Variants in ZNF292 observed in about 807,000 individuals in gnomAD.
The protein encoded by ZNF292 is zinc finger protein 292, also known as 16 zinc-finger domain protein.
ZNF292 carries 26 observed loss-of-function variants against 217.9 expected under a neutral mutation model. That is an observed-to-expected ratio of 0.12 (90% CI 0.09 to 0.17). The LOEUF is 0.17. ZNF292 is among the 10% of genes least tolerant of loss of function. ZNF292 has a pLI of 1.00. For missense variants in ZNF292, 2,904 were observed against 3,175.2 expected (o/e 0.91, Z 2.05); for synonymous variants, 1,257 against 1,124.1 (o/e 1.12, Z -2.37).
chr6:87,248,797 G>C (rs947744517), intron 7 of ZNF292, among the ~76,000 whole-genome samples: 3 of 152,178 alleles, frequency 2.0e-5, no homozygotes, highest in Non-Finnish European at 4.4e-5. Context: ...AATGGAGGAG[G>C]TTAGGTAAAA....
chr6:87,211,132 T>G (rs927120209), intron 1 of ZNF292, among the ~76,000 whole-genome samples: 2 of 152,210 alleles, frequency 1.3e-5, no homozygotes, highest in African/African-American at 4.8e-5. Flanking sequence ...TTCAGTATCC[T>G]CAACTCTGAA....
intron 7 of ZNF292, chr6:87,249,389 A>G (rs1248902437): frequency 1.2e-5 from 5 of 421,990 alleles, no homozygotes; most frequent in Non-Finnish European, 2.4e-5. Flanking sequence ...TGGCCTTCCA[A>G]AGTGGTGGGA....
At position 87,264,995 on chromosome 6, in the gene ZNF292, G is replaced by T. The variant is rs1775765297; in HGVS notation, c.*3194G>T. Among the ~76,000 whole-genome samples, 1 of 152,136 alleles carries T rather than the reference G, an allele frequency of 6.6e-6. No individual in the cohort carries two copies. The highest frequency in any genetic ancestry group is 2.4e-5 in the African/African-American group (1 of 41,430). On this transcript the variant is annotated 3_prime_UTR_variant, in exon 8 of 8. Coordinates refer to ENST00000369577, the MANE Select transcript of ZNF292 (RefSeq NM_015021.3). ...GAGATAATAAAAAGTAATGTCTAAG[G>T]CAGCCTGTTTCAGCATGTTTATTGT...
At chr6:87,168,024 A>C (rs1770972585) in intron 1 of ZNF292, among the ~76,000 whole-genome samples, 1 of 152,238 alleles carries the variant, frequency 6.6e-6, no homozygotes, top group Non-Finnish European at 1.5e-5. Context: ...CTTACAAGTT[A>C]GGAAATTCAG....
chr6:87,191,752 C>T (rs1036044603), intron 1 of ZNF292, among the ~76,000 whole-genome samples: 6 of 152,116 alleles, frequency 3.9e-5, no homozygotes, highest in South Asian at 4.1e-4. Context: ...CTGCAACATC[C>T]GCTTCCCGGG....
chr6:87,246,595 C>G (rs1562172604), intron 7 of ZNF292, among the ~76,000 whole-genome samples: 1 of 152,170 alleles, frequency 6.6e-6, no homozygotes, highest in Non-Finnish European at 1.5e-5. Flanking sequence ...CCAGGCCAGG[C>G]TGCTCACATC....
intron 1 of ZNF292, among the ~76,000 whole-genome samples, chr6:87,182,034 T>C (rs1925693): frequency 0.082 from 12,400 of 152,132 alleles, 859 homozygotes; most frequent in African/African-American, 0.19. Flanking sequence ...AAATTACATA[T>C]TATCCTTGTG....
chr6:87,202,792 C>G (rs1266807840), intron 1 of ZNF292, among the ~76,000 whole-genome samples: 7 of 151,366 alleles, frequency 4.6e-5, no homozygotes, highest in African/African-American at 1.7e-4. Context: ...TACCCTGGTA[C>G]AAAAGTATTA....
rs944706989 is a variant in ZNF292, at chr6:87,172,782, C to T, written c.168+17023C>T. Among the ~76,000 whole-genome samples, 204 of 151,886 alleles carry T rather than the reference C, an allele frequency of 1.3e-3. 1 individual carries two copies. The highest frequency in any genetic ancestry group is 4.6e-3 in the African/African-American group (191 of 41,410). On this transcript the variant is annotated intron_variant, in intron 1 of 7. Coordinates refer to ENST00000369577, the MANE Select transcript of ZNF292 (RefSeq NM_015021.3). ...ATTAGCTGGGCGTGGTGGTGCACAC[C>T]TGTAGTCCCAGCTACTCAGGAGGCT...
At chr6:87,230,403 C>A (rs937767441) in intron 4 of ZNF292, among the ~76,000 whole-genome samples, 1 of 152,092 alleles carries the variant, frequency 6.6e-6, no homozygotes, top group Non-Finnish European at 1.5e-5. Context: ...ATTTAATTAT[C>A]TTTAATGTAG....
Position 87,172,880 on chromosome 6 carries a change from C to T in ZNF292, c.168+17121C>T, listed in dbSNP as rs148149546. Among the ~76,000 whole-genome samples the T allele has an allele frequency of 9.6e-3, 1,425 of 147,750 alleles. 18 individuals carry two copies. The highest frequency in any genetic ancestry group is 0.034 in the African/African-American group (1,338 of 39,778). On this transcript the variant is annotated intron_variant, in intron 1 of 7. Transcript: ENST00000369577. The stretch of plus-strand genomic sequence containing the variant: ...CAAGATTGCACCACTGCAATCTGGG[C>T]GACAGAATGAGACTCTGTCTCAAAA...
Position 87,255,265 on chromosome 6 carries a change from T to C in ZNF292, c.1636T>C (p.Leu546=). The change falls in exon 8 of 8, where the codon TTG becomes CTG. Residue 546 remains leucine (L), a synonymous_variant. Coordinates refer to ENST00000369577, the MANE Select transcript of ZNF292 (RefSeq NM_015021.3). ...NWQAYMQYCV[L]CDKEFLGHRI... ...GCAAGCCTACATGCAGTATTGTGTG[T>C]TGTGTGACAAAGAATTCCTTGGTCA... 1 of 1,613,922 alleles carries C rather than the reference T, an allele frequency of 6.2e-7. No homozygotes were observed. Among genetic ancestry groups the C allele is most frequent in the Middle Eastern group, 1.6e-4 (1 of 6,062 alleles).
At chr6:87,239,703 C>G in intron 5 of ZNF292, among the ~76,000 whole-genome samples, 1 of 134,250 alleles carries the variant, frequency 7.4e-6, no homozygotes, top group African/African-American at 3.1e-5. Flanking sequence ...GGGCTCCTCA[C>G]CTCCCAGACG....
At chr6:87,236,835 T>G in intron 5 of ZNF292, among the ~76,000 whole-genome samples, 1 of 152,224 alleles carries the variant, frequency 6.6e-6, no homozygotes, top group Non-Finnish European at 1.5e-5. Flanking sequence ...TAGATCAACC[T>G]TATTCTTTCT....
chr6:87,211,797 A>G (rs1405667946), intron 1 of ZNF292, among the ~76,000 whole-genome samples: 1 of 152,202 alleles, frequency 6.6e-6, no homozygotes, highest in Non-Finnish European at 1.5e-5. Flanking sequence ...CATTGCAGGA[A>G]GACATTTAGG....
intron 1 of ZNF292, among the ~76,000 whole-genome samples, chr6:87,160,831 G>A: frequency 6.6e-6 from 1 of 152,080 alleles, no homozygotes; most frequent in East Asian, 1.9e-4. Context: ...TAGGGATGTG[G>A]TACTGGCATT....
At chr6:87,155,850 T>C in intron 1 of ZNF292, 91 bp downstream of exon 1, 1 of 1,410,082 alleles carries the variant, frequency 7.1e-7, no homozygotes, top group South Asian at 1.5e-5. Context: ...TGGTCGCCGC[T>C]TCCTTGGCAT....
Position 87,257,626 on chromosome 6 carries a change from A to G in ZNF292, c.3997A>G (p.Thr1333Ala). 6.2e-6 allele frequency: 10 copies of G among 1,608,346 alleles called. No individual in the cohort carries two copies. The highest frequency in any genetic ancestry group is 8.5e-6 in the Non-Finnish European group (10 of 1,177,064). The stretch of plus-strand genomic sequence containing the variant: ...GAATGTTGCAAATAACTTCAGTAGC[A>G]CCAATGCCCAACAGTCTGCACCTGA... ...QVNVANNFSSTNAQQSAPEKV... is the reference protein window; with the variant it reads ...QVNVANNFSSANAQQSAPEKV... The change falls in exon 8 of 8, where the codon ACC becomes GCC. Residue 1333 changes from threonine to alanine, a missense_variant. Physicochemically the swap from Thr to Ala is moderately conservative, Grantham distance 58. Coordinates refer to ENST00000369577, the MANE Select transcript of ZNF292 (RefSeq NM_015021.3).
chr6:87,209,843 T>G (rs1045457740), intron 1 of ZNF292, among the ~76,000 whole-genome samples: 2 of 152,220 alleles, frequency 1.3e-5, no homozygotes, highest in African/African-American at 2.4e-5. Context: ...CATAAACAAC[T>G]CTTTGGGATC....
Sources: allele counts gnomAD v4.1 joint callset (sites outside exome capture counted in the v4.1 genomes callset), GRCh38; gene constraint gnomAD v4.1.1; transcripts MANE v1.5; gene names NCBI Gene and HGNC (gene_info 2026-07-23, HGNC 2026-07-21).